The following ASAP2 variants were observed in gnomAD, a reference collection of about 807,000 sequenced individuals.
ASAP2 encodes the protein ArfGAP with SH3 domain, ankyrin repeat and PH domain 2.
Under a neutral mutation model 131.4 loss-of-function variants are expected in ASAP2, and 45 were observed. The observed-to-expected ratio is 0.34, with a 90% CI of 0.27 to 0.44. The LOEUF (loss-of-function observed/expected upper bound fraction) is 0.44, where lower values mean the gene tolerates loss of function less well. Ranked by LOEUF, ASAP2 falls within the 20% of genes least tolerant of loss-of-function variation. The probability of loss-of-function intolerance (pLI) is 1.00; values close to 1 mark genes in which losing one functional copy is unlikely to be tolerated. For synonymous variants in ASAP2, 510 were observed against 503.0 expected, an observed-to-expected ratio of 1.01 and a Z score of -0.19; for missense variants, 1,011 against 1,297.0, an observed-to-expected ratio of 0.78 and a Z score of 3.39.
At chr2:9,371,834 G>C (rs1429284069) in intron 16 of ASAP2, among the ~76,000 whole-genome samples, 4 of 152,096 alleles carry the variant, frequency 2.6e-5, no homozygotes, top group Non-Finnish European at 5.9e-5. Flanking sequence ...AAAAGAGGGA[G>C]GGCCGGGCGC....
intron 1 of ASAP2, chr2:9,271,621 G>T: frequency 9.4e-7 from 1 of 1,060,396 alleles, no homozygotes; most frequent in Non-Finnish European, 1.4e-6. Context: ...GTTCTGGATA[G>T]TGGACATACG....
At chr2:9,266,019 C>G (rs997510186) in intron 1 of ASAP2, among the ~76,000 whole-genome samples, 1 of 100,856 alleles carries the variant, frequency 9.9e-6, no homozygotes, top group South Asian at 2.7e-4. Flanking sequence ...AGTGATCCAC[C>G]CCCCCACCCC....
In ASAP2 at chr2:9,312,600, T is replaced by C. The variant is rs368322740; in HGVS notation, c.346-5924T>C. On this transcript the variant is annotated intron_variant, in intron 3 of 27. Coordinates refer to ENST00000281419, the MANE Select transcript of ASAP2 (RefSeq NM_003887.3). ...CATGATGTCTCAGTCCTGGCTCCTC[T>C]GGTATCTAGGCTAGAAATAATGTGT... is the stretch of plus-strand genomic sequence containing the variant. Among the ~76,000 whole-genome samples the C allele has an allele frequency of 2.0e-5, 3 of 152,228 alleles. No individual in the cohort carries two copies. In the East Asian group the frequency reaches 5.8e-4, roughly 29 times the overall value.
intron 19 of ASAP2, among the ~76,000 whole-genome samples, chr2:9,380,105 T>C (rs1053150872): frequency 6.6e-6 from 1 of 152,200 alleles, no homozygotes; most frequent in African/African-American, 2.4e-5. Flanking sequence ...TGCTTTTCGT[T>C]AGAGGTTTAT....
chr2:9,358,816 A>G lies in ASAP2; in HGVS notation c.1388A>G (p.His463Arg). Residue 463 changes from histidine (H) to arginine (R), a missense_variant, in exon 15 of 28, where the codon CAC becomes CGC. Around this residue, in one of 2 missense-constraint regions of ASAP2, gnomAD observed 359 missense variants for 598.1 expected, o/e 0.60. Coordinates refer to ENST00000281419, the MANE Select transcript of ASAP2 (RefSeq NM_003887.3). ...ACCTGCATCGAGTGTTCCGGAATCC[A>G]CCGAGAGCTGGGGGTTCATTATTCC... is the stretch of plus-strand genomic sequence containing the variant. ...ILTCIECSGI[H>R]RELGVHYSRM... is the part of the protein sequence containing the mutation. The G allele has an allele frequency of 6.2e-7, 1 of 1,613,852 alleles. No individual in the cohort carries two copies. Among genetic ancestry groups the G allele is most frequent in the Non-Finnish European group, 8.5e-7 (1 of 1,179,968 alleles).
chr2:9,275,577 TTCTTTGC>T (rs1036104202), intron 1 of ASAP2, among the ~76,000 whole-genome samples: 17 of 152,216 alleles, frequency 1.1e-4, no homozygotes, highest in African/African-American at 3.6e-4. Flanking sequence ...CAGTTCCCTC[TTCTTTGC>T]GTAGCCTCTC....
intron 3 of ASAP2, among the ~76,000 whole-genome samples, chr2:9,306,386 G>A (rs1285928616): frequency 1.3e-5 from 2 of 151,768 alleles, no homozygotes; most frequent in Non-Finnish European, 2.9e-5. Flanking sequence ...GGGTGCCTGC[G>A]AGGGGCCTCA....
intron 1 of ASAP2, among the ~76,000 whole-genome samples, chr2:9,250,385 G>T (rs1437554133): frequency 6.6e-6 from 1 of 152,242 alleles, no homozygotes; most frequent in Non-Finnish European, 1.5e-5. Context: ...GGCTCCTGGA[G>T]TTCTCGCGGT....
intron 4 of ASAP2, among the ~76,000 whole-genome samples, 200 bp from the exon 5 acceptor site, chr2:9,320,088 A>T (rs1044344409): frequency 1.3e-5 from 2 of 152,198 alleles, no homozygotes; most frequent in East Asian, 3.8e-4. Flanking sequence ...ATTCTATATT[A>T]TTTTAAGAGA....
chr2:9,387,323 A>G (rs542554250), intron 21 of ASAP2, among the ~76,000 whole-genome samples: 1 of 152,270 alleles, frequency 6.6e-6, no homozygotes, highest in East Asian at 1.9e-4. Context: ...GTCACAGTCC[A>G]TGTTAACAAT....
chr2:9,380,237 A>G (rs1374014752), intron 19 of ASAP2, among the ~76,000 whole-genome samples: 1 of 152,042 alleles, frequency 6.6e-6, no homozygotes, highest in Non-Finnish European at 1.5e-5. Context: ...TCGCTCTGTC[A>G]CCAAGGCTAG....
chr2:9,271,875 C>A (rs1482349207), intron 1 of ASAP2, among the ~76,000 whole-genome samples: 2 of 152,060 alleles, frequency 1.3e-5, no homozygotes, highest in Non-Finnish European at 2.9e-5. Flanking sequence ...CACATCATTG[C>A]AGCTGACAGG....
chr2:9,290,790 C>G (rs1667761862), intron 2 of ASAP2, among the ~76,000 whole-genome samples: 1 of 152,160 alleles, frequency 6.6e-6, no homozygotes, highest in African/African-American at 2.4e-5. Context: ...TTAGAAGTTG[C>G]AGGATCCTGG....
At chr2:9,242,926 A>G (rs1391774042) in intron 1 of ASAP2, among the ~76,000 whole-genome samples, 2 of 152,168 alleles carry the variant, frequency 1.3e-5, no homozygotes, top group East Asian at 3.9e-4. Flanking sequence ...CCCAGTAACA[A>G]CAAATTTTTG....
At chr2:9,257,028 T>A (rs1046613789) in intron 1 of ASAP2, among the ~76,000 whole-genome samples, 4 of 152,216 alleles carry the variant, frequency 2.6e-5, no homozygotes, top group Admixed American at 6.5e-5. Flanking sequence ...TTCTTCAGGA[T>A]GTGCCTGTGT....
chr2:9,270,785 A>ATTTTTTTTTTTTTC (rs1666302945), intron 1 of ASAP2, among the ~76,000 whole-genome samples: 1 of 52,924 alleles, frequency 1.9e-5, no homozygotes, highest in Non-Finnish European at 3.5e-5. Flanking sequence ...AATTGTTTTC[A>ATTTTTTTTTTTTTC]TTTTTTTTTT....
chr2:9,247,330 A>G (rs1369254361), intron 1 of ASAP2, among the ~76,000 whole-genome samples: 1 of 152,054 alleles, frequency 6.6e-6, no homozygotes, highest in Non-Finnish European at 1.5e-5. Context: ...CTGTCTTGGA[A>G]CTGCTCCCAG....
chr2:9,360,271 A>T (rs1672995514), intron 15 of ASAP2, among the ~76,000 whole-genome samples: 1 of 152,154 alleles, frequency 6.6e-6, no homozygotes, highest in Non-Finnish European at 1.5e-5. Context: ...GGCTCATTTG[A>T]TCTCCAGTAA....
rs114342339 is a variant in ASAP2, at chr2:9,324,838, A to G, written c.600+1588A>G. Reference sequence around the variant, plus strand: ...GAAGTGTATCACTTATAGATAATATATATAGCTGGATCATGTTTTTCTTAT... The same window carrying G: ...GAAGTGTATCACTTATAGATAATATGTATAGCTGGATCATGTTTTTCTTAT... On this transcript the variant is annotated intron_variant, in intron 6 of 27. Transcript: ENST00000281419. Among the ~76,000 whole-genome samples, 911 of 152,280 alleles carry G rather than the reference A, an allele frequency of 6.0e-3. 12 individuals carry two copies. The highest frequency in any genetic ancestry group is 0.021 in the African/African-American group (862 of 41,540).
Sources: allele counts gnomAD v4.1 joint callset (sites outside exome capture counted in the v4.1 genomes callset), GRCh38; gene constraint gnomAD v4.1.1; regional missense constraint gnomAD v4.1.1; transcripts MANE v1.5; gene names NCBI Gene and HGNC (gene_info 2026-07-23, HGNC 2026-07-21).